SLC36A1: variants seen among roughly 807,000 people sequenced by gnomAD.
SLC36A1 encodes solute carrier family 36 member 1.
A neutral mutation model predicts 47.5 loss-of-function variants in SLC36A1; 30 were observed. The ratio of observed to expected loss-of-function variants is 0.63; its 90% CI spans 0.47 to 0.86. SLC36A1 has a LOEUF of 0.86. Among genes scored for constraint, SLC36A1 ranks in the 40% least tolerant of loss-of-function variants. The pLI, the probability that SLC36A1 is intolerant of heterozygous loss-of-function variation, is 0.00. For missense variants in SLC36A1, 517 were observed against 606.0 expected, an observed-to-expected ratio of 0.85 and a Z score of 1.54; for synonymous variants, 255 against 249.7, an observed-to-expected ratio of 1.02 and a Z score of -0.20.
the SLC36A1 span, among the ~76,000 whole-genome samples, chr5:151,515,431 C>T: frequency 2.6e-5 from 4 of 152,182 alleles, no homozygotes; most frequent in Non-Finnish European, 5.9e-5. Flanking sequence ...TCTCCATCTC[C>T]AGCATAGACC....
chr5:151,525,682 C>A, the SLC36A1 span: 1 of 1,470,332 alleles, frequency 6.8e-7, no homozygotes, highest in Non-Finnish European at 9.5e-7. Flanking sequence ...TACATTTTTT[C>A]CCTAATGACA....
At chr5:151,373,717 T>G in the SLC36A1 span, among the ~76,000 whole-genome samples, 9 of 152,190 alleles carry the variant, frequency 5.9e-5, no homozygotes, top group Admixed American at 5.9e-4. Flanking sequence ...GTATAAAAGA[T>G]AGTTTTTCCT....
chr5:151,528,004 G>A, the SLC36A1 span: 144 of 1,613,938 alleles, frequency 8.9e-5, no homozygotes, highest in Admixed American at 1.2e-4. Context: ...ACCTGTTCCC[G>A]GTCCAGGGCC....
At chr5:151,385,684 A>C in the SLC36A1 span, among the ~76,000 whole-genome samples, 1,730 of 152,206 alleles carry the variant, frequency 0.011, 32 homozygotes, top group African/African-American at 0.04. Context: ...GAACTAGGGA[A>C]TCTTAGGGCA....
chr5:151,416,835 G>A, the SLC36A1 span, among the ~76,000 whole-genome samples: 1 of 152,194 alleles, frequency 6.6e-6, no homozygotes, highest in Non-Finnish European at 1.5e-5. Context: ...ACATGTCAAA[G>A]GAGAGACCAG....
At chr5:151,447,107 C>A (rs1444872610), upstream of SLC36A1, among the ~76,000 whole-genome samples, 2 of 152,116 alleles carry the variant, frequency 1.3e-5, no homozygotes, top group Non-Finnish European at 2.9e-5. Context: ...AAAGGAGAAG[C>A]CTAGATAATA....
chr5:151,520,622 T>C, the SLC36A1 span, among the ~76,000 whole-genome samples: 2 of 151,986 alleles, frequency 1.3e-5, no homozygotes, highest in African/African-American at 2.4e-5. Flanking sequence ...TTACGTAATT[T>C]CCCCCCCGAA....
chr5:151,494,693 C>T (rs1286280891), downstream of SLC36A1, among the ~76,000 whole-genome samples: 1 of 152,020 alleles, frequency 6.6e-6, no homozygotes, highest in East Asian at 1.9e-4. Flanking sequence ...TTTGTTTATC[C>T]ATTCATTAGT....
intron 8 of SLC36A1, among the ~76,000 whole-genome samples, chr5:151,475,486 G>A (rs1561771744): frequency 1.3e-5 from 2 of 152,166 alleles, no homozygotes; most frequent in African/African-American, 4.8e-5. Context: ...TCATTGCATC[G>A]GGGTAAAGTG....
At chr5:151,468,642 A>T (rs941777357) in intron 7 of SLC36A1, among the ~76,000 whole-genome samples, 1 of 151,454 alleles carries the variant, frequency 6.6e-6, no homozygotes, top group Non-Finnish European at 1.5e-5. Context: ...CGATCCCTCC[A>T]TGAGTTATGA....
chr5:151,434,835 G>A (rs764688521), upstream of SLC36A1, among the ~76,000 whole-genome samples: 43 of 152,108 alleles, frequency 2.8e-4, no homozygotes, highest in Non-Finnish European at 1.9e-4. Context: ...ACACAGGATC[G>A]GCTGGCAACT....
the SLC36A1 span, among the ~76,000 whole-genome samples, chr5:151,352,775 T>A: frequency 6.6e-6 from 1 of 152,250 alleles, no homozygotes; most frequent in African/African-American, 2.4e-5. Context: ...TCTTATCTCT[T>A]GTCTGTAGTC....
chr5:151,449,217 T>G (rs1048692913), intron 1 of SLC36A1, among the ~76,000 whole-genome samples: 1 of 152,246 alleles, frequency 6.6e-6, no homozygotes, highest in Non-Finnish European at 1.5e-5. Flanking sequence ...CTGTATTATG[T>G]CTAAGCTAAA....
At chr5:151,397,562 GT>G in the SLC36A1 span, among the ~76,000 whole-genome samples, 1 of 151,986 alleles carries the variant, frequency 6.6e-6, no homozygotes, top group Admixed American at 6.6e-5. Context: ...CAAGGTGGGT[GT>G]TCAAAACCAG....
chr5:151,367,361 AT>A, the SLC36A1 span, among the ~76,000 whole-genome samples: 1,243 of 118,722 alleles, frequency 0.01, 23 homozygotes, highest in East Asian at 0.055. Flanking sequence ...CCAGGAATGC[AT>A]TTTTTTTTTT....
At chr5:151,421,392 C>G in the SLC36A1 span, among the ~76,000 whole-genome samples, 1 of 151,574 alleles carries the variant, frequency 6.6e-6, no homozygotes, top group African/African-American at 2.4e-5. Context: ...CAGGCATGAG[C>G]CACCACACTC....
chr5:151,387,535 T>C, the SLC36A1 span, among the ~76,000 whole-genome samples: 1 of 152,218 alleles, frequency 6.6e-6, no homozygotes, highest in African/African-American at 2.4e-5. Context: ...GGTGGATTCA[T>C]GTTCTCCATC....
the SLC36A1 span, among the ~76,000 whole-genome samples, chr5:151,371,185 A>G: frequency 6.6e-6 from 1 of 152,138 alleles, no homozygotes; most frequent in Non-Finnish European, 1.5e-5. Flanking sequence ...AACCACTGGC[A>G]TAAATACAAG....
the SLC36A1 span, chr5:151,381,119 C>A: frequency 2.0e-6 from 1 of 491,114 alleles, no homozygotes; most frequent in South Asian, 1.8e-5. Flanking sequence ...CCTCCAGGAC[C>A]TCTCTCTGGC....
Sources: gnomAD v4.1 joint callset for allele counts (sites outside exome capture counted in the v4.1 genomes callset) on GRCh38, gnomAD v4.1.1 for gene constraint, MANE v1.5 for transcripts, NCBI Gene and HGNC (gene_info 2026-07-23, HGNC 2026-07-21) for gene names.